The following BICC1 variants were observed in gnomAD, a reference collection of about 807,000 sequenced individuals.
BICC1 encodes BicC family RNA binding protein 1.
In BICC1, 43 loss-of-function variants were observed where a neutral mutation model predicts 111.0. The observed-to-expected ratio is 0.39, with a 90% confidence interval of 0.30 to 0.50. BICC1 has a LOEUF of 0.50. Ranked by LOEUF, BICC1 falls within the 20% of genes least tolerant of loss-of-function variation. The probability of loss-of-function intolerance (pLI) is 0.88; values close to 1 mark genes in which losing one functional copy is unlikely to be tolerated. For synonymous variants in BICC1, 467 were observed against 434.4 expected (o/e 1.07, Z -0.93); for missense variants, 1,091 against 1,203.2 (o/e 0.91, Z 1.38).
At chr10:58,683,829 A>G (rs1232128368) in intron 2 of BICC1, among the ~76,000 whole-genome samples, 5 of 152,168 alleles carry the variant, frequency 3.3e-5, no homozygotes, top group African/African-American at 9.7e-5. Context: ...AACAGGGACA[A>G]TTTGATTTCC....
At chr10:58,701,970 C>A in intron 2 of BICC1, 104 bp from the exon 3 acceptor site, 4 of 766,510 alleles carry the variant, frequency 5.2e-6, no homozygotes, top group Non-Finnish European at 6.3e-6. Flanking sequence ...TTTGTATGAA[C>A]ATGAACTTAG....
At chr10:58,749,777 A>G (rs1044647609) in intron 3 of BICC1, among the ~76,000 whole-genome samples, 3 of 152,198 alleles carry the variant, frequency 2.0e-5, no homozygotes, top group Non-Finnish European at 4.4e-5. Flanking sequence ...CCAGGCACCC[A>G]GTGCTTCAAA....
At chr10:58,608,806 T>C (rs10763565) in intron 1 of BICC1, among the ~76,000 whole-genome samples, 34,878 of 152,208 alleles carry the variant, frequency 0.23, 4,433 homozygotes, top group East Asian at 0.46. Context: ...CCATAACTTT[T>C]ATCTCCTCTC....
At chr10:58,556,669 T>C (rs1843456918) in intron 1 of BICC1, among the ~76,000 whole-genome samples, 1 of 152,028 alleles carries the variant, frequency 6.6e-6, no homozygotes, top group African/African-American at 2.4e-5. Flanking sequence ...ATGTAAATAT[T>C]TGCTGTGGAA....
At chr10:58,526,445 T>C (rs999803110) in intron 1 of BICC1, among the ~76,000 whole-genome samples, 6 of 152,042 alleles carry the variant, frequency 3.9e-5, no homozygotes, top group African/African-American at 7.2e-5. Flanking sequence ...AACCTGCAGG[T>C]TTGTTACATA....
intron 2 of BICC1, among the ~76,000 whole-genome samples, chr10:58,643,654 GGGAAAATAAGTGTT>G (rs1838185653): frequency 6.6e-6 from 1 of 152,162 alleles, no homozygotes; most frequent in Non-Finnish European, 1.5e-5. Flanking sequence ...TTGTTGTGAA[GGGAAAATAAGTGTT>G]GGAAAATAAT....
At chr10:58,776,910 T>C (rs972080113) in intron 3 of BICC1, among the ~76,000 whole-genome samples, 1 of 152,130 alleles carries the variant, frequency 6.6e-6, no homozygotes, top group African/African-American at 2.4e-5. Flanking sequence ...TTTGTTTCTT[T>C]CTTTTTCCAC....
chr10:58,739,979 A>G (rs1841605592), intron 3 of BICC1, among the ~76,000 whole-genome samples: 1 of 152,188 alleles, frequency 6.6e-6, no homozygotes, highest in Admixed American at 6.5e-5. Flanking sequence ...TAGCTTATAG[A>G]ATATATACAT....
intron 1 of BICC1, among the ~76,000 whole-genome samples, chr10:58,587,946 G>C (rs761465208): frequency 7.2e-5 from 11 of 152,164 alleles, no homozygotes; most frequent in Non-Finnish European, 1.2e-4. Context: ...GGACTTCTAG[G>C]ATTTGGTGTT....
intron 3 of BICC1, among the ~76,000 whole-genome samples, chr10:58,783,444 T>C (rs1348629187): frequency 6.6e-6 from 1 of 151,852 alleles, no homozygotes; most frequent in Non-Finnish European, 1.5e-5. Context: ...TATGATATGC[T>C]CTCTGTGGCG....
intron 2 of BICC1, among the ~76,000 whole-genome samples, chr10:58,634,380 G>A (rs1238144783): frequency 6.6e-6 from 1 of 152,138 alleles, no homozygotes; most frequent in African/African-American, 2.4e-5. Flanking sequence ...TTTAGTGATA[G>A]TAAACTCTTA....
chr10:58,632,237 A>G (rs1360594546), intron 2 of BICC1, among the ~76,000 whole-genome samples: 2 of 152,254 alleles, frequency 1.3e-5, no homozygotes, highest in Admixed American at 6.5e-5. Flanking sequence ...TTTAACTTTC[A>G]AAGAGCTTTT....
At chr10:58,754,032 G>A (rs1842068824) in intron 3 of BICC1, among the ~76,000 whole-genome samples, 2 of 152,092 alleles carry the variant, frequency 1.3e-5, no homozygotes, top group Admixed American at 6.6e-5. Flanking sequence ...TGAGGTATTA[G>A]GTGTATAAAA....
intron 3 of BICC1, among the ~76,000 whole-genome samples, chr10:58,766,118 A>G (rs575963392): frequency 1.3e-5 from 2 of 152,216 alleles, no homozygotes; most frequent in South Asian, 4.2e-4. Context: ...GAAGGTCTTG[A>G]TAGTTTCTGG....
intron 1 of BICC1, among the ~76,000 whole-genome samples, chr10:58,617,003 T>G (rs1434372633): frequency 2.6e-5 from 4 of 152,254 alleles, no homozygotes; most frequent in Non-Finnish European, 5.9e-5. Context: ...CTACGGGTAG[T>G]TGACCAGGGG....
chr10:58,596,762 AACAG>A (rs1342857831), intron 1 of BICC1, among the ~76,000 whole-genome samples: 7 of 152,048 alleles, frequency 4.6e-5, no homozygotes, highest in African/African-American at 1.2e-4. Context: ...ATACACCAGT[AACAG>A]ACAGAGAGCC....
chr10:58,559,522 A>C (rs1843546886), intron 1 of BICC1, among the ~76,000 whole-genome samples: 2 of 152,134 alleles, frequency 1.3e-5, no homozygotes, highest in Non-Finnish European at 2.9e-5. Context: ...TTCTGTATAT[A>C]AGATTATATT....
chr10:58,744,770 A>G (rs1165655097), intron 3 of BICC1, among the ~76,000 whole-genome samples: 3 of 152,200 alleles, frequency 2.0e-5, no homozygotes, highest in African/African-American at 7.2e-5. Flanking sequence ...CTGCCTCTGG[A>G]CCAGGGTTCA....
chr10:58,819,817 G>T (rs1272418898), intron 19 of BICC1, among the ~76,000 whole-genome samples: 2 of 152,210 alleles, frequency 1.3e-5, no homozygotes, highest in Non-Finnish European at 2.9e-5. Flanking sequence ...TTCCCTTCAT[G>T]CTTTGTTCCT....
Sources: gnomAD v4.1 joint callset for allele counts (sites outside exome capture counted in the v4.1 genomes callset) on GRCh38, gnomAD v4.1.1 for gene constraint, MANE v1.5 for transcripts, NCBI Gene and HGNC (gene_info 2026-07-23, HGNC 2026-07-21) for gene names.